Variants in FZD3 observed in about 807,000 individuals in gnomAD.
FZD3 encodes the protein frizzled-3.
A neutral mutation model predicts 60.7 loss-of-function variants in FZD3; 30 were observed. The observed-to-expected ratio is 0.49, with a 90% CI of 0.37 to 0.67. FZD3 has a LOEUF of 0.67. FZD3 is among the 30% of genes least tolerant of loss of function. FZD3 has a pLI of 0.00. For synonymous variants in FZD3, 246 were observed against 275.2 expected (o/e 0.89, Z 1.05); for missense variants, 605 against 838.7 (o/e 0.72, Z 3.44).
intron 1 of FZD3, among the ~76,000 whole-genome samples, chr8:28,497,118 G>A (rs1803864617): frequency 6.6e-6 from 1 of 152,038 alleles, no homozygotes. Flanking sequence ...CCTACCATTC[G>A]TTTAAATTTT....
chr8:28,569,800 AG>A lies in FZD3; in HGVS notation c.*6790del, dbSNP rs1450373846. The A allele has an allele frequency of 2.0e-5, 3 of 152,244 alleles. No individual in the cohort carries two copies. The highest frequency in any genetic ancestry group is 2.9e-5 in the Non-Finnish European group (2 of 68,036). The allele number at this position is 152,244 out of a possible 1,614,324, so 9.4% of individuals were successfully genotyped here. ...ATATAAGCACCTTAAATTGATACAT[AG>A]AAAAGAATGACATAACGTTTTGTGG... On this transcript the variant is annotated 3_prime_UTR_variant, in exon 8 of 8. Coordinates refer to ENST00000240093, the MANE Select transcript of FZD3 (RefSeq NM_017412.4).
At chr8:28,560,888 C>G (rs1805600947) in intron 7 of FZD3, among the ~76,000 whole-genome samples, 1 of 152,046 alleles carries the variant, frequency 6.6e-6, no homozygotes, top group Non-Finnish European at 1.5e-5. Context: ...CATTATTTAC[C>G]AAAACATGCA....
chr8:28,517,751 T>G (rs1428612678), intron 3 of FZD3, among the ~76,000 whole-genome samples: 1 of 152,178 alleles, frequency 6.6e-6, no homozygotes, highest in Non-Finnish European at 1.5e-5. Context: ...AATTTTAATT[T>G]GATGCTTAAA....
intron 5 of FZD3, among the ~76,000 whole-genome samples, chr8:28,540,312 C>T (rs1805130976): frequency 6.6e-6 from 1 of 152,194 alleles, no homozygotes; most frequent in South Asian, 2.1e-4. Context: ...TCACTGCAAC[C>T]TCCGCCTCCT....
intron 5 of FZD3, among the ~76,000 whole-genome samples, chr8:28,528,414 G>A (rs1248061084): frequency 6.6e-6 from 1 of 150,530 alleles, no homozygotes; most frequent in Admixed American, 6.6e-5. Flanking sequence ...GTCTGTTGGT[G>A]ATTTTTTTTT....
At chr8:28,550,180 A>G (rs1296934347) in intron 5 of FZD3, among the ~76,000 whole-genome samples, 1 of 152,010 alleles carries the variant, frequency 6.6e-6, no homozygotes, top group Non-Finnish European at 1.5e-5. Context: ...TATTTCTTCT[A>G]TAATATATCT....
At chr8:28,510,147 C>T (rs1240434513) in intron 3 of FZD3, among the ~76,000 whole-genome samples, 3 of 151,676 alleles carry the variant, frequency 2.0e-5, no homozygotes, top group Non-Finnish European at 4.4e-5. Flanking sequence ...TTAATAATAG[C>T]TGTCTTCAGG....
In FZD3 at chr8:28,527,031, A is replaced by T; in HGVS notation, c.387-116A>T. 3 of 856,634 alleles carry T rather than the reference A, an allele frequency of 3.5e-6. No homozygotes were observed. Among genetic ancestry groups the T allele is most frequent in the Non-Finnish European group, 5.5e-6 (3 of 543,102 alleles). 53.1% of individuals were successfully genotyped at this position (856,634 alleles called of 1,614,324 possible). A position where few individuals can be genotyped will look rare whatever the true frequency, so the allele number is the denominator to read the frequency against. On this transcript the variant is annotated intron_variant, in intron 4 of 7. Transcript: ENST00000240093. This position sits in a 1 kb window ranked among gnomAD's most constrained non-coding sequence, Gnocchi z 5.0. ...CATTTACTTTATTTCTACATATTAC[A>T]TTTGCTCTCCAGGAATAAATAAGGT...
chr8:28,524,871 T>A (rs1804676338), intron 4 of FZD3, among the ~76,000 whole-genome samples: 1 of 152,228 alleles, frequency 6.6e-6, no homozygotes, highest in Admixed American at 6.5e-5. Context: ...AATTTTGGCA[T>A]ATGTAAAATT....
chr8:28,509,414 C>T (rs1804226682), intron 3 of FZD3, among the ~76,000 whole-genome samples: 1 of 151,560 alleles, frequency 6.6e-6, no homozygotes, highest in African/African-American at 2.4e-5. Context: ...TTTTTTTCCA[C>T]TTAATATATT....
chr8:28,529,377 G>A (rs987841745), intron 5 of FZD3, among the ~76,000 whole-genome samples: 2 of 151,962 alleles, frequency 1.3e-5, no homozygotes, highest in Admixed American at 6.6e-5. Context: ...CTTTATTGAC[G>A]TACTTAAGGA....
intron 3 of FZD3, among the ~76,000 whole-genome samples, chr8:28,514,367 ATT>A (rs1010892223): frequency 9.2e-5 from 14 of 152,288 alleles, no homozygotes; most frequent in African/African-American, 3.4e-4. Flanking sequence ...TAATATTTGT[ATT>A]TGTTTTTATG....
chr8:28,508,600 A>G (rs1804204954), intron 3 of FZD3, among the ~76,000 whole-genome samples: 1 of 152,056 alleles, frequency 6.6e-6, no homozygotes, highest in Non-Finnish European at 1.5e-5. Flanking sequence ...TCCCGGGCTC[A>G]GTTAATCCTC....
At chr8:28,518,144 G>A (rs1047071531) in intron 3 of FZD3, among the ~76,000 whole-genome samples, 10 of 151,634 alleles carry the variant, frequency 6.6e-5, no homozygotes, top group African/African-American at 1.5e-4. Context: ...CTGCAGCCTC[G>A]AACTCCTGGG....
At chr8:28,552,236 G>T (rs1434929236) in intron 6 of FZD3, among the ~76,000 whole-genome samples, 1 of 152,112 alleles carries the variant, frequency 6.6e-6, no homozygotes, top group Non-Finnish European at 1.5e-5. Flanking sequence ...GTTCTTCCAA[G>T]TGTACCAAAA....
intron 5 of FZD3, among the ~76,000 whole-genome samples, chr8:28,543,896 C>T (rs902356073): frequency 6.6e-6 from 1 of 152,038 alleles, no homozygotes; most frequent in African/African-American, 2.4e-5. Flanking sequence ...TAGAATTTAC[C>T]TATTCCAACT....
intron 4 of FZD3, among the ~76,000 whole-genome samples, chr8:28,524,928 G>A (rs1463634968): frequency 6.6e-6 from 1 of 152,086 alleles, no homozygotes; most frequent in Non-Finnish European, 1.5e-5. Flanking sequence ...AGTATCTTCT[G>A]TTCCTACTTC....
chr8:28,519,990 A>G (rs2130347230), intron 3 of FZD3, among the ~76,000 whole-genome samples: 1 of 152,142 alleles, frequency 6.6e-6, no homozygotes, highest in East Asian at 1.9e-4. Context: ...CAGACGGATC[A>G]CTTGAGGTCG....
intron 3 of FZD3, among the ~76,000 whole-genome samples, chr8:28,509,492 A>G (rs1804228499): frequency 6.6e-6 from 1 of 152,138 alleles, no homozygotes; most frequent in African/African-American, 2.4e-5. Flanking sequence ...GTGGTAAGAT[A>G]TGCATAATAC....
Sources: allele counts gnomAD v4.1 joint callset (sites outside exome capture counted in the v4.1 genomes callset), GRCh38; gene constraint gnomAD v4.1.1; non-coding constraint Gnocchi (gnomAD v3.1); transcripts MANE v1.5; gene names NCBI Gene and HGNC (gene_info 2026-07-23, HGNC 2026-07-21).